ADGRL2: variants seen among roughly 807,000 people sequenced by gnomAD.
ADGRL2 encodes the protein calcium-independent alpha-latrotoxin receptor 2.
Under a neutral mutation model 157.4 loss-of-function variants are expected in ADGRL2, and 44 were observed. That is an observed-to-expected ratio of 0.28 (90% confidence interval 0.22 to 0.36). ADGRL2 has a LOEUF of 0.36. Ranked by LOEUF, ADGRL2 falls within the 10% of genes least tolerant of loss-of-function variation. ADGRL2 has a pLI of 1.00. For missense variants in ADGRL2, 1,510 were observed against 1,768.9 expected, an observed-to-expected ratio of 0.85 and a Z score of 2.63; for synonymous variants, 585 against 624.7, an observed-to-expected ratio of 0.94 and a Z score of 0.95.
rs192324840 is a variant in ADGRL2 at position 81,834,953 on chromosome 1, G to C, written c.-100-1932G>C. ...GGCCAAAGACCACAATAGAGGTCTTGATTGTGTGGTTTCCTCCTCCTTTTT... is the reference window on the plus strand; with the variant it reads ...GGCCAAAGACCACAATAGAGGTCTTCATTGTGTGGTTTCCTCCTCCTTTTT... On this transcript the variant is annotated intron_variant, in intron 1 of 23. Coordinates refer to ENST00000686636, the MANE Select transcript of ADGRL2 (RefSeq NM_001366006.2). 2.9e-3 allele frequency among the ~76,000 whole-genome samples: 444 copies of C among 152,266 alleles called. 1 individual carries two copies. The highest frequency in any genetic ancestry group is 0.01 in the African/African-American group (430 of 41,562).
intron 1 of ADGRL2, among the ~76,000 whole-genome samples, chr1:81,802,569 T>G (rs1325530116): frequency 6.6e-6 from 1 of 152,134 alleles, no homozygotes; most frequent in Admixed American, 6.5e-5. Context: ...TAGCCATGCA[T>G]TTTTTAATTT....
At chr1:81,728,462 A>T (rs879354647) in intron 1 of ADGRL2, among the ~76,000 whole-genome samples, 3 of 152,236 alleles carry the variant, frequency 2.0e-5, no homozygotes, top group African/African-American at 7.2e-5. Flanking sequence ...AGAAACCTAG[A>T]TAACTGTGAT....
intron 1 of ADGRL2, among the ~76,000 whole-genome samples, chr1:81,730,376 T>C (rs2084677581): frequency 6.6e-6 from 1 of 152,180 alleles, no homozygotes. Flanking sequence ...CTAATTATAA[T>C]AACACATTTA....
At chr1:81,636,029 A>T (rs192789888) in intron 3 of ADGRL2, among the ~76,000 whole-genome samples, 179 of 152,310 alleles carry the variant, frequency 1.2e-3, no homozygotes, top group African/African-American at 3.9e-3. Context: ...AAAGGCACAG[A>T]CTGTCTCTCA....
At chr1:81,364,448 A>G (rs2076029475) in intron 1 of ADGRL2, among the ~76,000 whole-genome samples, 1 of 152,182 alleles carries the variant, frequency 6.6e-6, no homozygotes, top group Non-Finnish European at 1.5e-5. Context: ...TCAATTGGGT[A>G]GGTACGGAAG....
intron 3 of ADGRL2, among the ~76,000 whole-genome samples, chr1:81,682,967 T>C (rs1182904472): frequency 6.6e-6 from 1 of 152,134 alleles, no homozygotes; most frequent in Non-Finnish European, 1.5e-5. Context: ...CCCCTGTCTC[T>C]ACTAAAAATA....
chr1:81,569,594 G>A (rs1349544900), intron 2 of ADGRL2, among the ~76,000 whole-genome samples: 1 of 152,086 alleles, frequency 6.6e-6, no homozygotes, highest in Non-Finnish European at 1.5e-5. Flanking sequence ...GACCACTTGA[G>A]GCCAGGAGTT....
Position 81,992,977 on chromosome 1 carries a change from T to A in ADGRL2, c.*1832T>A, listed in dbSNP as rs945611840. Reference sequence around the variant, plus strand: ...TCAAATACTACCACTAGCTTATAAATCACTTTTATGTGGACACACACATGC... The same window carrying A: ...TCAAATACTACCACTAGCTTATAAAACACTTTTATGTGGACACACACATGC... On this transcript the variant is annotated 3_prime_UTR_variant, in exon 24 of 24. Coordinates refer to ENST00000686636, the MANE Select transcript of ADGRL2 (RefSeq NM_001366006.2). Among the ~76,000 whole-genome samples the A allele has an allele frequency of 3.5e-5, 5 of 143,774 alleles. No homozygotes were observed. The highest frequency in any genetic ancestry group is 7.5e-5 in the Non-Finnish European group (5 of 66,834). 94.3% of individuals were successfully genotyped at this position (143,774 alleles called of 152,430 possible).
intron 2 of ADGRL2, among the ~76,000 whole-genome samples, chr1:81,486,482 T>G (rs2147917841): frequency 6.6e-6 from 1 of 152,152 alleles, no homozygotes; most frequent in Non-Finnish European, 1.5e-5. Context: ...ACTGAGATTT[T>G]AAAAGCTAAA....
rs201334169 is a variant in ADGRL2, at chr1:81,966,447, G to A, written c.2187G>A (p.Gln729=). The A allele has an allele frequency of 2.5e-4, 408 of 1,613,986 alleles. No homozygotes were observed. Among genetic ancestry groups the A allele is most frequent in the Middle Eastern group, 3.3e-4 (2 of 6,084 alleles). Reference sequence around the variant, plus strand: ...TCATCATTTACCGGAGCCTGGGACAGTTCCTTAGTACAGAAAATGCAACCA... The same window carrying A: ...TCATCATTTACCGGAGCCTGGGACAATTCCTTAGTACAGAAAATGCAACCA... ...LVFIIYRSLG[Q]FLSTENATIK... The change falls in exon 13 of 24, where the codon CAG becomes CAA. Residue 729 remains glutamine (Q), a synonymous_variant. Transcript: ENST00000686636.
chr1:81,684,240 A>G (rs895116235), intron 3 of ADGRL2, among the ~76,000 whole-genome samples: 4 of 152,208 alleles, frequency 2.6e-5, no homozygotes, highest in Admixed American at 2.6e-4. Context: ...ACTAGTTTAC[A>G]TTCCCACCAG....
chr1:81,794,044 T>C (rs1261824593), intron 2 of ADGRL2, among the ~76,000 whole-genome samples: 2 of 152,164 alleles, frequency 1.3e-5, no homozygotes, highest in African/African-American at 4.8e-5. Flanking sequence ...ACTATAAAAA[T>C]TGTTTTTATG....
chr1:81,329,551 T>C (rs1211162223), intron 1 of ADGRL2, among the ~76,000 whole-genome samples: 3 of 152,198 alleles, frequency 2.0e-5, no homozygotes, highest in Admixed American at 6.6e-5. Context: ...AAAATATTTC[T>C]CTAAAAGCTA....
chr1:81,600,490 C>T (rs1338916724), intron 3 of ADGRL2, among the ~76,000 whole-genome samples: 1 of 152,132 alleles, frequency 6.6e-6, no homozygotes, highest in Non-Finnish European at 1.5e-5. Flanking sequence ...AGAGAGATGC[C>T]CCAGGCAAAT....
intron 1 of ADGRL2, among the ~76,000 whole-genome samples, chr1:81,347,589 G>A (rs1662573671): frequency 6.6e-6 from 1 of 152,200 alleles, no homozygotes; most frequent in Non-Finnish European, 1.5e-5. Context: ...TATGGAGGAT[G>A]CAGCATGGGT....
chr1:81,940,936 GTTT>G (rs5775651), intron 4 of ADGRL2, among the ~76,000 whole-genome samples: 1 of 144,494 alleles, frequency 6.9e-6, no homozygotes. Context: ...TGTAGGAGTT[GTTT>G]TTTTTTTTTT....
At chr1:81,349,344 A>G (rs993987196) in intron 1 of ADGRL2, among the ~76,000 whole-genome samples, 1 of 152,258 alleles carries the variant, frequency 6.6e-6, no homozygotes, top group Middle Eastern at 3.4e-3. Flanking sequence ...TTCAGTCACA[A>G]GCTGATCCTT....
At chr1:81,977,250 A>T (rs189661031) in intron 17 of ADGRL2, among the ~76,000 whole-genome samples, 11 of 151,844 alleles carry the variant, frequency 7.2e-5, no homozygotes, top group Non-Finnish European at 1.6e-4. Flanking sequence ...CTGAACTTGT[A>T]TTGTGAATGT....
intron 2 of ADGRL2, among the ~76,000 whole-genome samples, chr1:81,519,102 G>A (rs781339218): frequency 1.8e-4 from 28 of 152,108 alleles, no homozygotes; most frequent in Non-Finnish European, 2.9e-4. Flanking sequence ...GTATGTCCAA[G>A]GTCACATGGA....
Sources: gnomAD v4.1 joint callset for allele counts (sites outside exome capture counted in the v4.1 genomes callset) on GRCh38, gnomAD v4.1.1 for gene constraint, MANE v1.5 for transcripts, NCBI Gene and HGNC (gene_info 2026-07-23, HGNC 2026-07-21) for gene names.